The following FRA10AC1 variants were observed in gnomAD, a reference collection of about 807,000 sequenced individuals.
FRA10AC1 encodes the protein protein FRA10AC1.
A neutral mutation model predicts 56.5 loss-of-function variants in FRA10AC1; 43 were observed. The observed-to-expected ratio is 0.76, with a 90% CI of 0.60 to 0.98. The LOEUF (loss-of-function observed/expected upper bound fraction) is 0.98. FRA10AC1 is among the 50% of genes least tolerant of loss of function. The pLI is 0.00. For synonymous variants in FRA10AC1, 112 were observed against 110.5 expected, an observed-to-expected ratio of 1.01 and a Z score of -0.09; for missense variants, 346 against 351.8, an observed-to-expected ratio of 0.98 and a Z score of 0.13.
intron 12 of FRA10AC1, chr10:93,671,917 TA>T: frequency 2.6e-6 from 1 of 378,946 alleles, no homozygotes. Flanking sequence ...TCAAAATCAG[TA>T]AAAACAATAA....
At chr10:93,671,714 T>A (rs925729320) in intron 12 of FRA10AC1, 19 of 200,818 alleles carry the variant, frequency 9.5e-5, no homozygotes, top group Non-Finnish European at 1.8e-4. Flanking sequence ...ACAAAAAGTA[T>A]GCATAGTATA....
intron 7 of FRA10AC1, among the ~76,000 whole-genome samples, chr10:93,688,831 C>T (rs1232190990): frequency 6.6e-6 from 1 of 151,892 alleles, no homozygotes; most frequent in Non-Finnish European, 1.5e-5. Flanking sequence ...CAAAAAATAA[C>T]AACAAATAAA....
At position 93,693,507 on chromosome 10, in the gene FRA10AC1, T is replaced by TAC. The variant is rs780847335; in HGVS notation, c.297-780_297-779dup. Among the ~76,000 whole-genome samples, 18 of 25,488 alleles carry TAC rather than the reference T, an allele frequency of 7.1e-4. 2 individuals carry two copies. Among genetic ancestry groups the TAC allele is most frequent in the Non-Finnish European group, 1.7e-3 (13 of 7,692 alleles). The allele number at this position is 25,488 out of a possible 152,430, so 16.7% of individuals were successfully genotyped here. A position where few individuals can be genotyped will look rare whatever the true frequency, so the allele number is the denominator to read the frequency against. On this transcript the variant is annotated intron_variant, in intron 5 of 13. Transcript: ENST00000359204. ...GTATATATATATATATATATATATA[T>TAC]ACACCATATATATATATATACACCA...
intron 7 of FRA10AC1, among the ~76,000 whole-genome samples, chr10:93,689,673 A>T (rs2133924712): frequency 6.6e-6 from 1 of 152,338 alleles, no homozygotes; most frequent in Non-Finnish European, 1.5e-5. Context: ...TGAGGAAATA[A>T]TAAATGTAAC....
In FRA10AC1 at chr10:93,671,947, G is replaced by A. The variant is rs1329286284; in HGVS notation, c.827-1099C>T. ...ACAATAAAGACATTTTATTAAAGAT[G>A]ACAAAATAGATATGTTTCAAATAAA... On this transcript the variant is annotated intron_variant, in intron 12 of 13. Coordinates refer to ENST00000359204, the MANE Select transcript of FRA10AC1 (RefSeq NM_145246.5). 1.5e-5 allele frequency: 6 copies of A among 398,342 alleles called. No homozygotes were observed. In the East Asian group the frequency reaches 5.0e-4, roughly 33 times the overall value. 24.7% of individuals were successfully genotyped at this position (398,342 alleles called of 1,614,324 possible). A position where few individuals can be genotyped will look rare whatever the true frequency, so the allele number is the denominator to read the frequency against.
chr10:93,684,497 C>CTT (rs56873831), intron 9 of FRA10AC1, among the ~76,000 whole-genome samples: 1 of 130,046 alleles, frequency 7.7e-6, no homozygotes, highest in Non-Finnish European at 1.7e-5. Flanking sequence ...ATTGTGGTCT[C>CTT]TTTTTTTTTT....
At chr10:93,685,418 T>C (rs2059009249) in intron 8 of FRA10AC1, 59 bp from the exon 9 acceptor site, 2 of 788,108 alleles carry the variant, frequency 2.5e-6, no homozygotes, top group Non-Finnish European at 4.3e-6. Flanking sequence ...ATCTATATGA[T>C]CTAGTATTAC....
intron 12 of FRA10AC1, chr10:93,672,440 CTT>C (rs1475022049): frequency 6.5e-6 from 1 of 154,502 alleles, no homozygotes; most frequent in African/African-American, 2.4e-5. Context: ...GAATTAAAAT[CTT>C]CTCTTATTTT....
intron 2 of FRA10AC1, among the ~76,000 whole-genome samples, chr10:93,699,383 A>G (rs1234882655): frequency 6.6e-6 from 1 of 152,198 alleles, no homozygotes; most frequent in African/African-American, 2.4e-5. Flanking sequence ...ACAGCCGTGT[A>G]AGTTTGGTTA....
At chr10:93,691,338 G>A (rs12250977) in intron 7 of FRA10AC1, among the ~76,000 whole-genome samples, 2,554 of 152,094 alleles carry the variant, frequency 0.017, 63 homozygotes, top group African/African-American at 0.059. Flanking sequence ...ACTGCACCTG[G>A]CTAATTTTTT....
intron 6 of FRA10AC1, 25 bp downstream of exon 6, chr10:93,692,621 C>T: frequency 6.4e-6 from 9 of 1,406,720 alleles, no homozygotes; most frequent in Non-Finnish European, 9.0e-6. Context: ...GCATTTGATG[C>T]ATTACGCCTC....
chr10:93,691,571 T>C (rs1239297562), intron 7 of FRA10AC1, among the ~76,000 whole-genome samples: 1 of 152,330 alleles, frequency 6.6e-6, no homozygotes, highest in East Asian at 1.9e-4. Flanking sequence ...TTTACTAGAA[T>C]AGACATTTAT....
rs185916470 is a variant in FRA10AC1 at position 93,675,325 on chromosome 10, A to C, written c.826+1328T>G. 4.6e-5 allele frequency: 7 copies of C among 152,118 alleles called. 1 individual carries two copies. In the East Asian group the frequency reaches 1.4e-3, roughly 29 times the overall value. The allele number at this position is 152,118 out of a possible 1,614,324, so 9.4% of individuals were successfully genotyped here. The stretch of plus-strand genomic sequence containing the variant: ...TTTATATTTGAGTTTTGAAATTTAG[A>C]ATAATCATCAAACTTTTTTCCCTGA... On this transcript the variant is annotated intron_variant, in intron 12 of 13. Transcript: ENST00000359204.
chr10:93,679,552 G>C (rs1215684261), intron 11 of FRA10AC1, among the ~76,000 whole-genome samples: 1 of 152,140 alleles, frequency 6.6e-6, no homozygotes, highest in African/African-American at 2.4e-5. Flanking sequence ...CCCTAAAATT[G>C]AAAGAGGCTT....
intron 12 of FRA10AC1, chr10:93,675,621 C>T (rs1202278698): frequency 6.1e-6 from 2 of 329,936 alleles, no homozygotes; most frequent in Admixed American, 5.9e-5. Flanking sequence ...AGGAGAATCA[C>T]TTGAACCTGG....
At chr10:93,692,582 A>G in intron 6 of FRA10AC1, 64 bp downstream of exon 6, 1 of 1,042,242 alleles carries the variant, frequency 9.6e-7, no homozygotes, top group South Asian at 1.4e-5. Context: ...CTAAAAAACC[A>G]CTCAGAAAAC....
intron 8 of FRA10AC1, 55 bp downstream of exon 8, chr10:93,687,349 G>T (rs1463635613): frequency 7.7e-7 from 1 of 1,304,634 alleles, no homozygotes; most frequent in Non-Finnish European, 1.0e-6. Flanking sequence ...CTCCAATTCA[G>T]TAACTTAACA....
At chr10:93,688,914 C>T (rs59191182) in intron 7 of FRA10AC1, among the ~76,000 whole-genome samples, 2,222 of 152,182 alleles carry the variant, frequency 0.015, 55 homozygotes, top group African/African-American at 0.051. Flanking sequence ...TAGGTCTTAA[C>T]CTTGGGAAAG....
rs1220201052 is a variant in FRA10AC1, at chr10:93,693,499, T to TACC, written c.297-771_297-770insGGT. 1.9e-4 allele frequency among the ~76,000 whole-genome samples: 20 copies of TACC among 106,264 alleles called. 1 individual carries two copies. In the South Asian group the frequency reaches 2.4e-3, roughly 13 times the overall value. The allele number at this position is 106,264 out of a possible 152,430, so 69.7% of individuals were successfully genotyped here. ...GTGTGTGTGTATATATATATATATA[T>TACC]ATATATATACACCATATATATATAT... On this transcript the variant is annotated intron_variant, in intron 5 of 13. Transcript: ENST00000359204.
Sources: gnomAD v4.1 joint callset for allele counts (sites outside exome capture counted in the v4.1 genomes callset) on GRCh38, gnomAD v4.1.1 for gene constraint, MANE v1.5 for transcripts, NCBI Gene and HGNC (gene_info 2026-07-23, HGNC 2026-07-21) for gene names.